HDAC5: variants seen among roughly 807,000 people sequenced by gnomAD.
HDAC5 encodes histone deacetylase 5, also known as antigen NY-CO-9.
A neutral mutation model predicts 133.3 loss-of-function variants in HDAC5; 25 were observed. The observed-to-expected ratio is 0.19, with a 90% CI of 0.14 to 0.26. The LOEUF (loss-of-function observed/expected upper bound fraction) is 0.26, where lower values mean the gene tolerates loss of function less well. Ranked by LOEUF, HDAC5 falls within the 10% of genes least tolerant of loss-of-function variation. The pLI is 1.00. For missense variants in HDAC5, 1,041 were observed against 1,460.5 expected (o/e 0.71, Z 4.68); for synonymous variants, 589 against 610.8 (o/e 0.96, Z 0.53).
At chr17:44,110,885 G>A (rs1246018562) in intron 2 of HDAC5, 85 bp from the exon 3 acceptor site, 1 of 1,172,224 alleles carries the variant, frequency 8.5e-7, no homozygotes. Context: ...AGCATGCCAG[G>A]GAGGGGGCCG....
intron 3 of HDAC5, among the ~76,000 whole-genome samples, chr17:44,097,107 T>C (rs888383627): frequency 5.9e-5 from 9 of 152,212 alleles, no homozygotes; most frequent in African/African-American, 1.9e-4. Context: ...CCTGTTTAGA[T>C]GGGTCTGGAT....
chr17:44,101,482 G>A (rs2051605986), intron 3 of HDAC5, among the ~76,000 whole-genome samples: 1 of 151,876 alleles, frequency 6.6e-6, no homozygotes, highest in Non-Finnish European at 1.5e-5. Context: ...GAGGGGAGGG[G>A]ACCCAAGGGG....
intron 12 of HDAC5, among the ~76,000 whole-genome samples, chr17:44,088,070 G>A (rs1489786436): frequency 6.6e-6 from 1 of 151,892 alleles, no homozygotes; most frequent in Non-Finnish European, 1.5e-5. Context: ...GTGCAATGGT[G>A]CGATCTGGGC....
chr17:44,093,777 C>T lies in HDAC5; in HGVS notation c.152G>A (p.Gly51Glu). The stretch of plus-strand genomic sequence containing the variant: ...TAGCTCCACAGGGCTGGGGCTGCCT[C>T]CACCCCCACCCCCCATGGAACTGGG... ...AMPSSMGGGG[G>E]GSPSPVELRG... is the part of the protein sequence containing the mutation. Residue 51 changes from glycine (G) to glutamate (E), a missense_variant, in exon 4 of 27, where the codon GGA (glycine) becomes GAA (glutamate). Gly to Glu is a moderately conservative substitution (Grantham distance 98, BLOSUM62 -2). Coordinates refer to ENST00000682912, the MANE Select transcript of HDAC5 (RefSeq NM_005474.5). The T allele has an allele frequency of 2.5e-6, 4 of 1,568,742 alleles. No homozygotes were observed. The highest frequency in any genetic ancestry group is 2.6e-6 in the Non-Finnish European group (3 of 1,156,472).
intron 3 of HDAC5, among the ~76,000 whole-genome samples, chr17:44,096,649 T>G (rs1227475303): frequency 6.6e-6 from 1 of 151,962 alleles, no homozygotes; most frequent in East Asian, 1.9e-4. Context: ...AATTTTTTTG[T>G]ATTTTTAGTA....
intron 3 of HDAC5, among the ~76,000 whole-genome samples, chr17:44,108,719 C>A (rs2052129431): frequency 8.3e-6 from 1 of 119,790 alleles, no homozygotes; most frequent in Non-Finnish European, 1.7e-5. Flanking sequence ...TAAAGTGTTT[C>A]TATTTGAAAC....
At chr17:44,113,729 C>T (rs915403798) in intron 2 of HDAC5, among the ~76,000 whole-genome samples, 10 of 152,210 alleles carry the variant, frequency 6.6e-5, no homozygotes, top group African/African-American at 2.4e-4. Context: ...CCTCCTAGCC[C>T]TCTGAATCTG....
intron 15 of HDAC5, 68 bp downstream of exon 15, chr17:44,084,954 G>C: frequency 6.5e-7 from 1 of 1,530,298 alleles, no homozygotes; most frequent in East Asian, 2.3e-5. Flanking sequence ...CATGAAGAGA[G>C]GCTTATCTAA....
At chr17:44,110,972 C>T (rs1408321166) in intron 2 of HDAC5, 172 bp from the exon 3 acceptor site, 10 of 620,118 alleles carry the variant, frequency 1.6e-5, no homozygotes, top group African/African-American at 1.8e-5. Flanking sequence ...CCACTGCCGA[C>T]GGGACCCACA....
In HDAC5 at chr17:44,089,747, CAAAAA is replaced by C. The variant is rs869263828; in HGVS notation, c.1388-1154_1388-1150del. On this transcript the variant is annotated intron_variant, in intron 11 of 26. Coordinates refer to ENST00000682912, the MANE Select transcript of HDAC5 (RefSeq NM_005474.5). ...GGGCAACAAGAGTGAAACTTCGTCT[CAAAAA>C]AAAAAAAAAAAAAAAAAAAAAATTA... Among the ~76,000 whole-genome samples, 132 of 34,066 alleles carry C rather than the reference CAAAAA, an allele frequency of 3.9e-3. No individual in the cohort carries two copies. The Admixed American group carries it at 0.045, about 12-fold the overall frequency. 22.3% of individuals were successfully genotyped at this position (34,066 alleles called of 152,430 possible).
rs2050242847 is a variant in HDAC5, at chr17:44,078,847, T to C, written c.3111A>G (p.Gln1037=). ...LQPLDEAVLQ[Q]KPNINAVATL... is the part of the protein sequence containing the mutation. The stretch of plus-strand genomic sequence containing the variant: ...TGGCCACTGCGTTGATGTTGGGCTT[T>C]TGCTGCAAGACTGCCTCATCCAAGG... The change falls in exon 25 of 27, where the codon CAA becomes CAG. Residue 1037 remains glutamine (Q), a synonymous_variant. Coordinates refer to ENST00000682912, the MANE Select transcript of HDAC5 (RefSeq NM_005474.5). 1 of 1,614,060 alleles carries C rather than the reference T, an allele frequency of 6.2e-7. No homozygotes were observed. Among genetic ancestry groups the C allele is most frequent in the Non-Finnish European group, 8.5e-7 (1 of 1,180,010 alleles).
Position 44,093,562 on chromosome 17 carries a change from C to T in HDAC5, c.354+13G>A. The T allele has an allele frequency of 1.9e-6, 3 of 1,599,668 alleles. No individual in the cohort carries two copies. The highest frequency in any genetic ancestry group is 4.5e-5 in the East Asian group (2 of 44,658). ...CGGAGGTCTGGGCGGCCCCCCGCACCCCCCTCGCTCACCTTGAGGTGCTTC... is the reference window on the plus strand; with the variant it reads ...CGGAGGTCTGGGCGGCCCCCCGCACTCCCCTCGCTCACCTTGAGGTGCTTC... On this transcript the variant is annotated intron_variant, in intron 4 of 26. Transcript: ENST00000682912.
Position 44,096,152 on chromosome 17 carries a change from A to G in HDAC5, c.95-2318T>C, listed in dbSNP as rs1356938807. Among the ~76,000 whole-genome samples the G allele has an allele frequency of 2.0e-5, 3 of 152,152 alleles. No individual in the cohort carries two copies. The East Asian group carries it at 5.8e-4, about 29-fold the overall frequency. On this transcript the variant is annotated intron_variant, in intron 3 of 26. Transcript: ENST00000682912. Reference sequence around the variant, plus strand: ...CCCAAGCCCCACAAAGTCTCCAGCCAGGAAGGGGAAGGCAGGATACCACTG... The same window carrying G: ...CCCAAGCCCCACAAAGTCTCCAGCCGGGAAGGGGAAGGCAGGATACCACTG...
Position 44,093,233 on chromosome 17 carries a change from G to A in HDAC5, c.527-27C>T, listed in dbSNP as rs201599855. The A allele has an allele frequency of 4.1e-5, 65 of 1,592,256 alleles. No homozygotes were observed. The East Asian group carries it at 1.4e-3, about 34-fold the overall frequency. On this transcript the variant is annotated intron_variant, in intron 5 of 26. Transcript: ENST00000682912. Reference sequence around the variant, plus strand: ...TGCAGGACAGGGCACAACTGACCTGGCTGCTTGGGGCCAGACCCCCCATGG... The same window carrying A: ...TGCAGGACAGGGCACAACTGACCTGACTGCTTGGGGCCAGACCCCCCATGG...
chr17:44,112,777 G>A (rs1341752840), intron 2 of HDAC5, among the ~76,000 whole-genome samples: 1 of 152,196 alleles, frequency 6.6e-6, no homozygotes, highest in African/African-American at 2.4e-5. Flanking sequence ...CTAGCAAGAT[G>A]TATATGTTGC....
intron 3 of HDAC5, among the ~76,000 whole-genome samples, chr17:44,108,178 C>T (rs749538387): frequency 6.6e-6 from 1 of 152,234 alleles, no homozygotes; most frequent in South Asian, 2.1e-4. Flanking sequence ...TGCTGAGATC[C>T]GCCCCACTCT....
intron 23 of HDAC5, 22 bp from the exon 24 acceptor site, chr17:44,079,299 G>A (rs2050265674): frequency 6.2e-7 from 1 of 1,608,874 alleles, no homozygotes; most frequent in Non-Finnish European, 8.5e-7. Flanking sequence ...GGTGAAGGGA[G>A]GAAGAAGAAA....
At chr17:44,108,856 G>T (rs1189736543) in intron 3 of HDAC5, among the ~76,000 whole-genome samples, 2 of 151,834 alleles carry the variant, frequency 1.3e-5, no homozygotes, top group East Asian at 3.9e-4. Context: ...CTGCGCAGGG[G>T]GAACATTCTT....
At chr17:44,093,051 C>A in intron 6 of HDAC5, 41 bp downstream of exon 6, 1 of 1,447,770 alleles carries the variant, frequency 6.9e-7, no homozygotes, top group Non-Finnish European at 9.5e-7. Context: ...AGCCCCTGAG[C>A]GGCTCACCTA....
Sources: gnomAD v4.1 joint callset for allele counts (sites outside exome capture counted in the v4.1 genomes callset) on GRCh38, gnomAD v4.1.1 for gene constraint, MANE v1.5 for transcripts, NCBI Gene and HGNC (gene_info 2026-07-23, HGNC 2026-07-21) for gene names.